SLC25A48: variants seen among roughly 807,000 people sequenced by gnomAD.
SLC25A48 encodes CTC-321K16.1.
SLC25A48 carries 29 observed loss-of-function variants against 32.2 expected under a neutral mutation model. The ratio of observed to expected loss-of-function variants is 0.90; its 90% CI spans 0.67 to 1.23. The LOEUF (loss-of-function observed/expected upper bound fraction) is 1.23. SLC25A48 is among the 50% of genes most tolerant of loss of function. The pLI, the probability that SLC25A48 is intolerant of heterozygous loss-of-function variation, is 0.00. For synonymous variants in SLC25A48, 164 were observed against 172.3 expected, an observed-to-expected ratio of 0.95 and a Z score of 0.38; for missense variants, 399 against 422.7, an observed-to-expected ratio of 0.94 and a Z score of 0.49.
intron 3 of SLC25A48, among the ~76,000 whole-genome samples, chr5:135,717,623 C>T (rs776695241): frequency 3.3e-5 from 5 of 152,142 alleles, no homozygotes; most frequent in Non-Finnish European, 5.9e-5. Context: ...GGCTACACAA[C>T]GCACAGGGAA....
chr5:135,643,603 C>T (rs529908438), intron 3 of SLC25A48, among the ~76,000 whole-genome samples: 45 of 152,306 alleles, frequency 3.0e-4, no homozygotes, highest in African/African-American at 9.6e-4. Flanking sequence ...TCTCAGCCTT[C>T]GCAGAGTCAA....
chr5:135,801,155 A>G (rs1314063502), intron 3 of SLC25A48, among the ~76,000 whole-genome samples: 1 of 151,064 alleles, frequency 6.6e-6, no homozygotes, highest in African/African-American at 2.4e-5. Flanking sequence ...ATATCACAGA[A>G]GGTGTATACC....
At position 135,871,060 on chromosome 5, in the gene SLC25A48, G is replaced by GACACACAC. The variant is rs10569008; in HGVS notation, c.422-357_422-350dup. Among the ~76,000 whole-genome samples the GACACACAC allele has an allele frequency of 5.8e-5, 8 of 137,682 alleles. No homozygotes were observed. The South Asian group carries it at 1.0e-3, about 18-fold the overall frequency. The allele number at this position is 137,682 out of a possible 152,430, so 90.3% of individuals were successfully genotyped here. Reference sequence around the variant, plus strand: ...CTGTGCATAAATAAATGTGTACACAGACACACACACACACACACACACACA... The same window carrying GACACACAC: ...CTGTGCATAAATAAATGTGTACACAGACACACACACACACACACACACACACACACACA... On this transcript the variant is annotated intron_variant, in intron 4 of 7. Transcript: ENST00000681962.
upstream of SLC25A48, chr5:135,834,536 A>G (rs79020961): frequency 2.7e-4 from 114 of 415,486 alleles, no homozygotes; most frequent in East Asian, 4.1e-3. Context: ...GGGAGGACTA[A>G]GAGAATTTCA....
chr5:135,859,412 T>C (rs577621185), intron 4 of SLC25A48, among the ~76,000 whole-genome samples: 1 of 152,254 alleles, frequency 6.6e-6, no homozygotes, highest in South Asian at 2.1e-4. Context: ...AATTACCTCC[T>C]ACCAGATCCC....
chr5:135,750,323 T>C (rs1224036551), intron 3 of SLC25A48, among the ~76,000 whole-genome samples: 1 of 152,186 alleles, frequency 6.6e-6, no homozygotes, highest in African/African-American at 2.4e-5. Flanking sequence ...CTGTGACTCT[T>C]CTGGTTTCAC....
intron 3 of SLC25A48, among the ~76,000 whole-genome samples, chr5:135,762,216 C>T (rs1407308289): frequency 6.6e-6 from 1 of 152,122 alleles, no homozygotes; most frequent in Non-Finnish European, 1.5e-5. Flanking sequence ...TTGAACAGCA[C>T]GGGGCTAGGA....
chr5:135,767,939 A>T (rs1260959231), intron 3 of SLC25A48, among the ~76,000 whole-genome samples: 4 of 142,950 alleles, frequency 2.8e-5, no homozygotes, highest in Non-Finnish European at 6.0e-5. Flanking sequence ...CACCCCTGTG[A>T]TATTGTTTGT....
chr5:135,819,981 T>G (rs990597757), intron 4 of SLC25A48, among the ~76,000 whole-genome samples: 11 of 152,136 alleles, frequency 7.2e-5, no homozygotes, highest in African/African-American at 2.4e-4. Flanking sequence ...AATGAATGGA[T>G]CATTTTATAT....
intron 3 of SLC25A48, among the ~76,000 whole-genome samples, chr5:135,671,130 A>G (rs937291715): frequency 2.6e-5 from 4 of 152,140 alleles, no homozygotes; most frequent in African/African-American, 9.7e-5. Flanking sequence ...GGGAAAGATG[A>G]AAAACCTAAC....
chr5:135,721,758 A>C (rs1165582440), intron 3 of SLC25A48, among the ~76,000 whole-genome samples: 1 of 152,228 alleles, frequency 6.6e-6, no homozygotes, highest in Admixed American at 6.5e-5. Flanking sequence ...GGAAGAGGGC[A>C]GCAGAGAACT....
At chr5:135,812,544 T>C (rs1249698974) in exon 4 of SLC25A48, 1 of 152,216 alleles carries the variant, frequency 6.6e-6, no homozygotes, top group African/African-American at 2.4e-5. Context: ...CCTGTTATAT[T>C]TGCATCTTCT....
intron 4 of SLC25A48, among the ~76,000 whole-genome samples, chr5:135,868,288 C>A (rs1029264711): frequency 6.6e-6 from 1 of 152,044 alleles, no homozygotes; most frequent in Non-Finnish European, 1.5e-5. Flanking sequence ...AGACAAACCC[C>A]GAATCAGGAA....
intron 3 of SLC25A48, among the ~76,000 whole-genome samples, chr5:135,810,729 C>T (rs559755235): frequency 2.0e-5 from 3 of 152,232 alleles, no homozygotes; most frequent in South Asian, 4.1e-4. Context: ...TATTCTCATT[C>T]GAGGCAGGAA....
intron 1 of SLC25A48, among the ~76,000 whole-genome samples, chr5:135,599,210 T>C (rs1046499770): frequency 3.9e-5 from 6 of 152,188 alleles, no homozygotes; most frequent in African/African-American, 1.2e-4. Flanking sequence ...CTCTTGGAGA[T>C]GGACAGTGTG....
chr5:135,779,049 A>G (rs1756651517), intron 3 of SLC25A48, among the ~76,000 whole-genome samples: 1 of 151,856 alleles, frequency 6.6e-6, no homozygotes, highest in Middle Eastern at 3.2e-3. Context: ...ATTACTTCCA[A>G]TATCACAGTA....
At chr5:135,647,736 G>A (rs1447619102) in intron 3 of SLC25A48, among the ~76,000 whole-genome samples, 2 of 152,164 alleles carry the variant, frequency 1.3e-5, no homozygotes, top group African/African-American at 4.8e-5. Context: ...GCCAGCCTTT[G>A]GGCCTTCCTC....
chr5:135,604,974 A>T (rs1194904720), intron 1 of SLC25A48, among the ~76,000 whole-genome samples: 1 of 152,242 alleles, frequency 6.6e-6, no homozygotes, highest in Non-Finnish European at 1.5e-5. Context: ...CACTTAAAAC[A>T]GTTTCTGGTG....
intron 4 of SLC25A48, among the ~76,000 whole-genome samples, chr5:135,856,973 T>C (rs151330949): frequency 5.9e-5 from 9 of 152,364 alleles, no homozygotes; most frequent in Admixed American, 5.9e-4. Context: ...ATGAGGCTTT[T>C]TGGCTGCTGG....
Sources: allele counts gnomAD v4.1 joint callset (sites outside exome capture counted in the v4.1 genomes callset), GRCh38; gene constraint gnomAD v4.1.1; transcripts MANE v1.5; gene names NCBI Gene and HGNC (gene_info 2026-07-23, HGNC 2026-07-21).